Variants in OTOP1 observed in about 807,000 individuals in gnomAD.
OTOP1 encodes otopetrin 1.
In OTOP1, 59 loss-of-function variants were observed where a neutral mutation model predicts 52.9. The ratio of observed to expected loss-of-function variants is 1.12; its 90% CI spans 0.91 to 1.39. The LOEUF is 1.39. Among genes scored for constraint, OTOP1 ranks in the 40% most tolerant of loss-of-function variants. The probability of loss-of-function intolerance (pLI) is 0.00; values close to 1 mark genes in which losing one functional copy is unlikely to be tolerated. For synonymous variants in OTOP1, 317 were observed against 337.7 expected (o/e 0.94, Z 0.67); for missense variants, 761 against 800.9 (o/e 0.95, Z 0.60).
intron 3 of OTOP1, among the ~76,000 whole-genome samples, chr4:4,204,235 C>T (rs1716849439): frequency 6.6e-6 from 1 of 152,102 alleles, no homozygotes; most frequent in Non-Finnish European, 1.5e-5. Flanking sequence ...AAACAGAATC[C>T]CAGGGTGTCT....
intron 2 of OTOP1, among the ~76,000 whole-genome samples, chr4:4,212,036 T>A (rs1717037695): frequency 6.6e-6 from 1 of 152,176 alleles, no homozygotes; most frequent in Non-Finnish European, 1.5e-5. Context: ...TATGCTTGAC[T>A]GTAGTAATCA....
intron 1 of OTOP1, 24 bp downstream of exon 1, chr4:4,226,438 C>G (rs1691024280): frequency 2.8e-6 from 4 of 1,409,330 alleles, no homozygotes; most frequent in African/African-American, 1.5e-5. Context: ...GGCGGAGACC[C>G]GCTCGCCCGG....
At chr4:4,217,678 G>A (rs1356304213) in intron 1 of OTOP1, among the ~76,000 whole-genome samples, 1 of 152,168 alleles carries the variant, frequency 6.6e-6, no homozygotes, top group Non-Finnish European at 1.5e-5. Flanking sequence ...AGTGCTAAGT[G>A]CATGAAGAAA....
intron 1 of OTOP1, among the ~76,000 whole-genome samples, chr4:4,216,601 C>G (rs1417957423): frequency 6.6e-6 from 1 of 152,228 alleles, no homozygotes; most frequent in Non-Finnish European, 1.5e-5. Context: ...ACAACTCTAA[C>G]TCACATTTAT....
chr4:4,205,961 A>AG, intron 3 of OTOP1, 111 bp downstream of exon 3: 1 of 909,470 alleles, frequency 1.1e-6, no homozygotes, highest in South Asian at 1.4e-5. Flanking sequence ...TTCAGGACTG[A>AG]GGGGAGAGTT....
At chr4:4,209,182 C>A (rs1257840339) in intron 2 of OTOP1, among the ~76,000 whole-genome samples, 1 of 152,164 alleles carries the variant, frequency 6.6e-6, no homozygotes, top group African/African-American at 2.4e-5. Flanking sequence ...CAGGAGTCCC[C>A]TCTCCTTGGT....
At chr4:4,213,025 G>T (rs771409579) in intron 1 of OTOP1, 21 bp from the exon 2 acceptor site, 3 of 1,611,578 alleles carry the variant, frequency 1.9e-6, no homozygotes, top group Non-Finnish European at 2.5e-6. Context: ...GATGAAGGGG[G>T]AAGTGGAAAC....
At chr4:4,212,119 G>T (rs1717039451) in intron 2 of OTOP1, among the ~76,000 whole-genome samples, 3 of 152,094 alleles carry the variant, frequency 2.0e-5, no homozygotes, top group African/African-American at 4.8e-5. Flanking sequence ...GAAAAAAAAT[G>T]AGGCTGACAA....
At chr4:4,202,871 T>C (rs373363793) in intron 3 of OTOP1, among the ~76,000 whole-genome samples, 1 of 152,144 alleles carries the variant, frequency 6.6e-6, no homozygotes, top group African/African-American at 2.4e-5. Flanking sequence ...GCTAGAGGGA[T>C]GAAAATTTAC....
Position 4,218,799 on chromosome 4 carries a change from G to C in OTOP1, c.404-5795C>G, listed in dbSNP as rs1240128406. Among the ~76,000 whole-genome samples, 4 of 151,476 alleles carry C rather than the reference G, an allele frequency of 2.6e-5. No individual in the cohort carries two copies. In the South Asian group the frequency reaches 8.4e-4, roughly 32 times the overall value. ...AAAACATTTGCCCAGTGTGGTGATG[G>C]GCACCTGTAGTCCCAGCTACTTAGG... On this transcript the variant is annotated intron_variant, in intron 1 of 5. Transcript: ENST00000296358.
At chr4:4,199,376 T>C (rs1219368323) in intron 4 of OTOP1, among the ~76,000 whole-genome samples, 1 of 151,764 alleles carries the variant, frequency 6.6e-6, no homozygotes, top group Non-Finnish European at 1.5e-5. Flanking sequence ...AATTAAGATG[T>C]GCTTTATGGT....
intron 3 of OTOP1, among the ~76,000 whole-genome samples, chr4:4,203,582 C>T (rs1247565123): frequency 2.0e-5 from 3 of 152,172 alleles, no homozygotes; most frequent in South Asian, 4.1e-4. Flanking sequence ...GGGTAGCAGG[C>T]GAGAGATCCA....
At chr4:4,208,150 G>C (rs1716949056) in intron 2 of OTOP1, among the ~76,000 whole-genome samples, 1 of 152,204 alleles carries the variant, frequency 6.6e-6, no homozygotes, top group African/African-American at 2.4e-5. Flanking sequence ...TCCTGTACCT[G>C]TGAGGATCAG....
rs202115161 is a variant in OTOP1 at position 4,218,349 on chromosome 4, G to A, written c.404-5345C>T. Among the ~76,000 whole-genome samples, 799 of 147,372 alleles carry A rather than the reference G, an allele frequency of 5.4e-3. 8 individuals are homozygous for A. The highest frequency in any genetic ancestry group is 0.019 in the African/African-American group (748 of 39,648). On this transcript the variant is annotated intron_variant, in intron 1 of 5. Coordinates refer to ENST00000296358, the MANE Select transcript of OTOP1 (RefSeq NM_177998.3). ...AGAGGTTGCAGTGAACCGAGATTGC[G>A]CCATTGCACTCCAGCATGGGTGACA...
chr4:4,222,426 C>G (rs1717323768), intron 1 of OTOP1, among the ~76,000 whole-genome samples: 1 of 152,066 alleles, frequency 6.6e-6, no homozygotes, highest in African/African-American at 2.4e-5. Flanking sequence ...CCTTTTGCTC[C>G]TCCTGCCGCC....
At chr4:4,202,728 G>A in intron 3 of OTOP1, 150 bp from the exon 4 acceptor site, 1 of 959,284 alleles carries the variant, frequency 1.0e-6, no homozygotes, top group South Asian at 1.6e-5. Flanking sequence ...TGGGCCCCCT[G>A]CCTGGCTGGG....
intron 5 of OTOP1, among the ~76,000 whole-genome samples, chr4:4,190,392 T>G (rs986824198): frequency 1.3e-5 from 2 of 152,164 alleles, no homozygotes; most frequent in African/African-American, 4.8e-5. Context: ...GAGAATCCCT[T>G]GAACCCGGGA....
chr4:4,211,777 T>C (rs1192809469), intron 2 of OTOP1, among the ~76,000 whole-genome samples: 1 of 151,872 alleles, frequency 6.6e-6, no homozygotes, highest in Admixed American at 6.6e-5. Flanking sequence ...TTAAATTAAA[T>C]TAATAAATAA....
intron 5 of OTOP1, 125 bp from the exon 6 acceptor site, chr4:4,189,098 G>C: frequency 1.3e-6 from 1 of 793,430 alleles, no homozygotes; most frequent in East Asian, 2.7e-5. Context: ...ACCCCTGACA[G>C]AACAATAAGG....
Sources: allele counts gnomAD v4.1 joint callset (sites outside exome capture counted in the v4.1 genomes callset), GRCh38; gene constraint gnomAD v4.1.1; transcripts MANE v1.5; gene names NCBI Gene and HGNC (gene_info 2026-07-23, HGNC 2026-07-21).